SCGB2B2: variants seen among roughly 807,000 people sequenced by gnomAD.
The protein encoded by SCGB2B2 is secretoglobin family 2B member 2.
In SCGB2B2, 11 loss-of-function variants were observed where a neutral mutation model predicts 7.6. The ratio of observed to expected loss-of-function variants is 1.45; its 90% CI spans 0.91 to 2.40. SCGB2B2 has a LOEUF of 2.40. Among genes scored for constraint, SCGB2B2 ranks in the 30% most tolerant of loss-of-function variants. SCGB2B2 has a pLI of 0.00. For missense variants in SCGB2B2, 104 were observed against 115.4 expected (o/e 0.90, Z 0.45); for synonymous variants, 50 against 48.6 (o/e 1.03, Z -0.12).
intron 1 of SCGB2B2, among the ~76,000 whole-genome samples, chr19:34,674,512 T>C (rs1337906586): frequency 6.6e-6 from 1 of 152,192 alleles, no homozygotes; most frequent in African/African-American, 2.4e-5. Flanking sequence ...TTAAAAAAGT[T>C]TGGAAAATTG....
chr19:34,667,406 T>C lies in SCGB2B2; in HGVS notation c.-2032+8224A>G, dbSNP rs530536862. On this transcript the variant is annotated intron_variant, in intron 1 of 3. Transcript: ENST00000601241. ...ACCTCGAATCTCTGCCCAGGCAGCC[T>C]GTCCGGCCCAGGAGAACCTGGGCCC... Among the ~76,000 whole-genome samples, 630 of 151,914 alleles carry C rather than the reference T, an allele frequency of 4.1e-3. 4 individuals are homozygous for C. The highest frequency in any genetic ancestry group is 5.1e-3 in the Non-Finnish European group (349 of 67,948).
At chr19:34,653,299 T>C (rs1209270158) in intron 1 of SCGB2B2, among the ~76,000 whole-genome samples, 2 of 151,104 alleles carry the variant, frequency 1.3e-5, no homozygotes, top group Non-Finnish European at 2.9e-5. Context: ...TATAGGATTG[T>C]AGGGTGAGTG....
chr19:34,602,511 C>T (rs556841579), intron 1 of SCGB2B2, among the ~76,000 whole-genome samples: 57 of 152,228 alleles, frequency 3.7e-4, no homozygotes, highest in African/African-American at 1.3e-3. Flanking sequence ...CAGAACATGG[C>T]CTTTTCTGGA....
chr19:34,626,693 T>C lies in SCGB2B2; in HGVS notation c.-2031-30099A>G, dbSNP rs555936440. Among the ~76,000 whole-genome samples, 324 of 152,290 alleles carry C rather than the reference T, an allele frequency of 2.1e-3. 2 individuals are homozygous for C. Among genetic ancestry groups the C allele is most frequent in the African/African-American group, 7.5e-3 (312 of 41,552 alleles). On this transcript the variant is annotated intron_variant, in intron 1 of 3. Coordinates refer to ENST00000601241, the MANE Select transcript of SCGB2B2 (RefSeq NM_001025591.4). ...AGTTGGAAAACAATCTGCAGGATAT[T>C]ATCCAGGAGAACTTCCCCAATCTAG...
intron 1 of SCGB2B2, among the ~76,000 whole-genome samples, chr19:34,603,515 T>C (rs1325542192): frequency 3.3e-5 from 5 of 152,116 alleles, no homozygotes; most frequent in African/African-American, 1.2e-4. Context: ...CAAGCAAAGC[T>C]TTCACAATAA....
At chr19:34,617,213 T>A (rs2066108083) in intron 1 of SCGB2B2, among the ~76,000 whole-genome samples, 1 of 152,116 alleles carries the variant, frequency 6.6e-6, no homozygotes, top group African/African-American at 2.4e-5. Flanking sequence ...TTTTTCCAAT[T>A]CTTTGAAGAA....
At chr19:34,594,097 TGGAAG>T (rs2065372176) in intron 3 of SCGB2B2, 73 bp downstream of exon 3, 7 of 1,182,356 alleles carry the variant, frequency 5.9e-6, no homozygotes, top group Non-Finnish European at 8.6e-6. Flanking sequence ...GAAAGCAGGA[TGGAAG>T]GCAAGTGCAG....
At chr19:34,659,365 G>A (rs958900241) in intron 1 of SCGB2B2, among the ~76,000 whole-genome samples, 3 of 152,204 alleles carry the variant, frequency 2.0e-5, no homozygotes, top group Non-Finnish European at 4.4e-5. Flanking sequence ...GTTTGCAGAT[G>A]ACATGATTTT....
At chr19:34,610,662 C>T (rs1046836406) in intron 1 of SCGB2B2, among the ~76,000 whole-genome samples, 4 of 151,948 alleles carry the variant, frequency 2.6e-5, no homozygotes, top group Non-Finnish European at 5.9e-5. Context: ...GGGAGAAATC[C>T]CACTTGATCA....
chr19:34,637,768 C>T (rs1012194936), intron 1 of SCGB2B2: 2 of 151,910 alleles, frequency 1.3e-5, no homozygotes, highest in African/African-American at 2.4e-5. Context: ...TTGTCAAACC[C>T]GTAATTCTGG....
intron 1 of SCGB2B2, among the ~76,000 whole-genome samples, chr19:34,666,838 G>T (rs1424100091): frequency 6.6e-6 from 1 of 152,004 alleles, no homozygotes; most frequent in Admixed American, 6.5e-5. Flanking sequence ...CAGCCCTGGG[G>T]TACCCACCCC....
chr19:34,639,296 G>GA (rs1461421742), intron 1 of SCGB2B2, among the ~76,000 whole-genome samples: 1 of 152,196 alleles, frequency 6.6e-6, no homozygotes, highest in East Asian at 1.9e-4. Flanking sequence ...AGGAAGAACA[G>GA]AAAGCTATCT....
intron 1 of SCGB2B2, among the ~76,000 whole-genome samples, chr19:34,613,737 G>A (rs962092274): frequency 3.3e-5 from 5 of 152,118 alleles, no homozygotes; most frequent in Non-Finnish European, 5.9e-5. Flanking sequence ...ACTTTTGTGT[G>A]TTTTCATGAT....
At chr19:34,652,184 C>G (rs931708710) in intron 1 of SCGB2B2, among the ~76,000 whole-genome samples, 1 of 151,020 alleles carries the variant, frequency 6.6e-6, no homozygotes, top group African/African-American at 2.5e-5. Flanking sequence ...TTGAAGAAAA[C>G]ATAGGGGAAA....
At chr19:34,630,792 C>G (rs2066507522) in intron 1 of SCGB2B2, among the ~76,000 whole-genome samples, 1 of 152,074 alleles carries the variant, frequency 6.6e-6, no homozygotes, top group Non-Finnish European at 1.5e-5. Flanking sequence ...ATAAATCATG[C>G]TGCTATAAAG....
chr19:34,658,738 C>T (rs1244772113), intron 1 of SCGB2B2, among the ~76,000 whole-genome samples: 1 of 149,540 alleles, frequency 6.7e-6, no homozygotes, highest in East Asian at 2.0e-4. Context: ...GGAATCCTCC[C>T]TAACTCAGTT....
At chr19:34,628,217 A>C (rs894469191) in intron 1 of SCGB2B2, among the ~76,000 whole-genome samples, 8 of 152,218 alleles carry the variant, frequency 5.3e-5, no homozygotes, top group African/African-American at 1.7e-4. Context: ...AGAACTGGAG[A>C]AGCAAGAGCA....
At chr19:34,620,772 C>T (rs7257313) in intron 1 of SCGB2B2, among the ~76,000 whole-genome samples, 47,942 of 151,964 alleles carry the variant, frequency 0.32, 8,405 homozygotes, top group Middle Eastern at 0.47. Context: ...GTTCCAGCAG[C>T]GATGGAGATG....
At chr19:34,599,749 C>G (rs963196333) in intron 1 of SCGB2B2, among the ~76,000 whole-genome samples, 6 of 152,078 alleles carry the variant, frequency 3.9e-5, no homozygotes, top group African/African-American at 1.4e-4. Context: ...CCGCCCTGTT[C>G]TCTCCCTCTT....
Sources: allele counts gnomAD v4.1 joint callset (sites outside exome capture counted in the v4.1 genomes callset), GRCh38; gene constraint gnomAD v4.1.1; transcripts MANE v1.5; gene names NCBI Gene and HGNC (gene_info 2026-07-23, HGNC 2026-07-21).